CDH5: variants seen among roughly 807,000 people sequenced by gnomAD.
CDH5 encodes the protein cadherin 5.
Under a neutral mutation model 62.0 loss-of-function variants are expected in CDH5, and 28 were observed. The observed-to-expected ratio is 0.45, with a 90% confidence interval of 0.33 to 0.62. The LOEUF (loss-of-function observed/expected upper bound fraction) is 0.62, where lower values mean the gene tolerates loss of function less well. Ranked by LOEUF, CDH5 falls within the 20% of genes least tolerant of loss-of-function variation. The pLI is 0.02. For missense variants in CDH5, 940 were observed against 1,065.1 expected, an observed-to-expected ratio of 0.88 and a Z score of 1.63; for synonymous variants, 464 against 445.8, an observed-to-expected ratio of 1.04 and a Z score of -0.52.
intron 7 of CDH5, chr16:66,395,498 C>CTTCTCTTTTTTT (rs1961163895): frequency 2.4e-5 from 1 of 41,502 alleles, no homozygotes; most frequent in Non-Finnish European, 4.9e-5. Context: ...GGAAACTTTT[C>CTTCTCTTTTTTT]TTTTCTTTTT....
intron 6 of CDH5, 149 bp from the exon 7 acceptor site, chr16:66,391,987 C>A: frequency 1.1e-6 from 1 of 938,214 alleles, no homozygotes; most frequent in Non-Finnish European, 1.6e-6. Context: ...TCTTGATGAC[C>A]TCAGAAATAT....
rs774269605 is a variant in CDH5 at position 66,390,453 on chromosome 16, G to C, written c.832G>C (p.Gly278Arg). 6.2e-7 allele frequency: 1 copy of C among 1,613,914 alleles called. No homozygotes were observed. The highest frequency in any genetic ancestry group is 1.3e-5 in the African/African-American group (1 of 74,870). Residue 278 changes from glycine (G) to arginine (R), a missense_variant, in exon 6 of 12, where the codon GGC becomes CGC. Physicochemically the swap from Gly to Arg is moderately radical, Grantham distance 125. Coordinates refer to ENST00000341529, the MANE Select transcript of CDH5 (RefSeq NM_001795.5). ...PEDTRVGTSV[G>R]SLFVEDPDEP... ...AGACACCCGTGTGGGCACCTCTGTG[G>C]GCTCTCTGTTTGTTGAGGACCCAGA... is the stretch of plus-strand genomic sequence containing the variant.
At chr16:66,391,642 A>G (rs1459413275) in intron 6 of CDH5, among the ~76,000 whole-genome samples, 2 of 152,102 alleles carry the variant, frequency 1.3e-5, no homozygotes, top group Admixed American at 1.3e-4. Context: ...GCGTGGTGGC[A>G]GGTGCCTGTA....
intron 3 of CDH5, among the ~76,000 whole-genome samples, chr16:66,387,522 CA>C (rs1212932332): frequency 3.3e-5 from 5 of 152,222 alleles, no homozygotes; most frequent in African/African-American, 4.8e-5. Context: ...TGCCCCTAGT[CA>C]TAGACTGAGC....
At position 66,392,218 on chromosome 16, in the gene CDH5, C is replaced by G. The variant is rs750986100; in HGVS notation, c.1052C>G (p.Pro351Arg). 1.9e-6 allele frequency: 3 copies of G among 1,614,046 alleles called. No homozygotes were observed. Among genetic ancestry groups the G allele is most frequent in the Admixed American group, 1.7e-5 (1 of 60,008 alleles). Residue 351 changes from proline to arginine, a missense_variant, in exon 7 of 12, where the codon CCT (proline) becomes CGT (arginine). By Grantham distance (103) the Pro-to-Arg change is moderately radical. Coordinates refer to ENST00000341529, the MANE Select transcript of CDH5 (RefSeq NM_001795.5). ...ACCATCGACCTCCGATACATGAGCC[C>G]TCCCGCGGGAAACAGAGCCCAGGTC... ...DPTIDLRYMS[P>R]PAGNRAQVII...
rs762921488 is a variant in CDH5 at position 66,389,384 on chromosome 16, T to C, written c.643T>C (p.Leu215=). 2.5e-6 allele frequency: 4 copies of C among 1,612,814 alleles called. No homozygotes were observed. In the Admixed American group the frequency reaches 5.0e-5, roughly 20 times the overall value. The change falls in exon 5 of 12, where the codon TTG becomes CTG. Residue 215 remains leucine (L), a synonymous_variant. Transcript: ENST00000341529. ...SGRIITITKS[L]DREKQARYEI... ...ACGTATTATCACAATAACGAAAAGCTTGGACCGAGAGAAGCAGGCCAGGTA... is the reference window on the plus strand; with the variant it reads ...ACGTATTATCACAATAACGAAAAGCCTGGACCGAGAGAAGCAGGCCAGGTA...
In CDH5 at chr16:66,402,898, C is replaced by G. The variant is rs768164275; in HGVS notation, c.2084C>G (p.Ala695Gly). 1 of 1,611,298 alleles carries G rather than the reference C, an allele frequency of 6.2e-7. No homozygotes were observed. Among genetic ancestry groups the G allele is most frequent in the Non-Finnish European group, 8.5e-7 (1 of 1,179,598 alleles). Residue 695 changes from alanine to glycine, a missense_variant, in exon 12 of 12, where the codon GCG (alanine) becomes GGG (glycine). Ala to Gly is a moderately conservative substitution (Grantham distance 60). Transcript: ENST00000341529. ...CAGGTGCAGAAGCCACCGAGGCACG[C>G]GCCTGGGGCACACGGAGGGCCCGGG... ...YAQVQKPPRH[A>G]PGAHGGPGEM...
At chr16:66,371,466 G>A (rs572614822) in intron 1 of CDH5, among the ~76,000 whole-genome samples, 5 of 152,238 alleles carry the variant, frequency 3.3e-5, no homozygotes, top group African/African-American at 1.2e-4. Flanking sequence ...AGCTGAAAGC[G>A]GGTGTGCTGG....
intron 1 of CDH5, among the ~76,000 whole-genome samples, chr16:66,375,368 C>G (rs990170706): frequency 4.6e-5 from 7 of 151,966 alleles, no homozygotes. Flanking sequence ...TCCACCCCAA[C>G]TATCTCTTCA....
rs142488145 is a variant in CDH5 at position 66,401,744 on chromosome 16, C to T, written c.1837+728C>T. Among the ~76,000 whole-genome samples the T allele has an allele frequency of 1.9e-3, 291 of 152,298 alleles. 2 individuals carry two copies. Among genetic ancestry groups the T allele is most frequent in the African/African-American group, 5.1e-3 (210 of 41,554 alleles). ...CTCCCATAGGGTTGCCGGGAGGCAG[C>T]GTGGGGCCACCCCCCAGCATCATCC... On this transcript the variant is annotated intron_variant, in intron 11 of 11. Coordinates refer to ENST00000341529, the MANE Select transcript of CDH5 (RefSeq NM_001795.5).
At chr16:66,368,770 T>G (rs1458216118) in intron 1 of CDH5, among the ~76,000 whole-genome samples, 1 of 152,156 alleles carries the variant, frequency 6.6e-6, no homozygotes, top group Admixed American at 6.5e-5. Flanking sequence ...CGGTTCCTTC[T>G]GACCCACAGT....
chr16:66,372,075 G>C (rs1283157390), intron 1 of CDH5, among the ~76,000 whole-genome samples: 1 of 152,202 alleles, frequency 6.6e-6, no homozygotes, highest in African/African-American at 2.4e-5. Flanking sequence ...AGGGAGCTTT[G>C]TGTGATGTCC....
At chr16:66,388,494 G>A in intron 4 of CDH5, 54 bp downstream of exon 4, 6 of 1,186,096 alleles carry the variant, frequency 5.1e-6, no homozygotes, top group Middle Eastern at 1.9e-4. Flanking sequence ...ACAAGGGGAG[G>A]TGGATACTCC....
At chr16:66,391,698 G>C (rs889986216) in intron 6 of CDH5, among the ~76,000 whole-genome samples, 5 of 152,168 alleles carry the variant, frequency 3.3e-5, no homozygotes, top group Non-Finnish European at 5.9e-5. Context: ...GCTTGAACCT[G>C]GGAGGTGGAA....
rs558524025 is a variant in CDH5 at position 66,380,285 on chromosome 16, G to A, written c.210+738G>A. Among the ~76,000 whole-genome samples, 4 of 148,544 alleles carry A rather than the reference G, an allele frequency of 2.7e-5. No homozygotes were observed. In the East Asian group the frequency reaches 8.2e-4, roughly 30 times the overall value. On this transcript the variant is annotated intron_variant, in intron 2 of 11. Coordinates refer to ENST00000341529, the MANE Select transcript of CDH5 (RefSeq NM_001795.5). ...GATGGTGGTGATGATAAAGGGGTAG[G>A]TGGTGATTGTGATAATGGTGATGAC... is the stretch of plus-strand genomic sequence containing the variant.
chr16:66,373,290 T>C (rs1324546943), intron 1 of CDH5, among the ~76,000 whole-genome samples: 3 of 152,092 alleles, frequency 2.0e-5, no homozygotes, highest in Non-Finnish European at 4.4e-5. Context: ...CCAAGAGAAA[T>C]TCAGTTTTCA....
rs968718031 is a variant in CDH5 at position 66,403,347 on chromosome 16, A to G, written c.*178A>G. ...CAAACTCCAGGTTCCTGAAATATCC[A>G]GGAATATATGTCAGTGATGACTATT... On this transcript the variant is annotated 3_prime_UTR_variant, in exon 12 of 12. Transcript: ENST00000341529. This position sits in a 1 kb window ranked among gnomAD's most constrained non-coding sequence, Gnocchi z 4.3. 4.9e-6 allele frequency: 3 copies of G among 609,332 alleles called. No individual in the cohort carries two copies. The highest frequency in any genetic ancestry group is 3.7e-5 in the African/African-American group (2 of 54,050). The allele number at this position is 609,332 out of a possible 1,614,324, so 37.7% of individuals were successfully genotyped here.
Position 66,389,364 on chromosome 16 carries a change from T to C in CDH5, c.623T>C (p.Ile208Thr). 3.1e-6 allele frequency: 5 copies of C among 1,610,268 alleles called. No individual in the cohort carries two copies. The highest frequency in any genetic ancestry group is 4.2e-6 in the Non-Finnish European group (5 of 1,177,642). ...EYFAIDNSGR[I>T]ITITKSLDRE... The stretch of plus-strand genomic sequence containing the variant: ...GCTGGGAATCTTTTTGCAGGACGTA[T>C]TATCACAATAACGAAAAGCTTGGAC... The change falls in exon 5 of 12, where the codon ATT becomes ACT. Residue 208 changes from isoleucine to threonine, a missense_variant. Coordinates refer to ENST00000341529, the MANE Select transcript of CDH5 (RefSeq NM_001795.5).
In CDH5 at chr16:66,400,680, C is replaced by T; in HGVS notation, c.1592-91C>T. 2.0e-6 allele frequency: 3 copies of T among 1,491,490 alleles called. No individual in the cohort carries two copies. In the South Asian group the frequency reaches 3.4e-5, roughly 17 times the overall value. 92.4% of individuals were successfully genotyped at this position (1,491,490 alleles called of 1,614,324 possible). The stretch of plus-strand genomic sequence containing the variant: ...AAAAGCAGCCCAGGGAGCACGCAGG[C>T]TGGTGCAGTCAGGGAGGGCTTCCTG... On this transcript the variant is annotated intron_variant, in intron 10 of 11. Transcript: ENST00000341529.
Sources: gnomAD v4.1 joint callset for allele counts (sites outside exome capture counted in the v4.1 genomes callset) on GRCh38, gnomAD v4.1.1 for gene constraint, Gnocchi (gnomAD v3.1) non-coding constraint, MANE v1.5 for transcripts, NCBI Gene and HGNC (gene_info 2026-07-23, HGNC 2026-07-21) for gene names.